Variants in GRM8 observed in about 807,000 individuals in gnomAD.
GRM8 encodes metabotropic glutamate receptor 8.
A neutral mutation model predicts 87.2 loss-of-function variants in GRM8; 47 were observed. The observed-to-expected ratio is 0.54, with a 90% confidence interval of 0.43 to 0.69. GRM8 has a LOEUF of 0.69. Ranked by LOEUF, GRM8 falls within the 30% of genes least tolerant of loss-of-function variation. The probability of loss-of-function intolerance (pLI) is 0.00; values close to 1 mark genes in which losing one functional copy is unlikely to be tolerated. For missense variants in GRM8, 1,019 were observed against 1,139.2 expected (o/e 0.89, Z 1.52); for synonymous variants, 396 against 404.5 (o/e 0.98, Z 0.25).
At chr7:127,110,458 C>T (rs1319535692) in intron 2 of GRM8, among the ~76,000 whole-genome samples, 1 of 152,106 alleles carries the variant, frequency 6.6e-6, no homozygotes, top group Admixed American at 6.6e-5. Flanking sequence ...TATTTGAAAA[C>T]ACCTGTCATT....
intron 9 of GRM8, among the ~76,000 whole-genome samples, chr7:126,499,430 G>C (rs2150686837): frequency 6.7e-6 from 1 of 150,112 alleles, no homozygotes; most frequent in South Asian, 2.1e-4. Context: ...AAAAAAACTA[G>C]AATTATCGTA....
At chr7:126,796,853 G>T (rs1005501205) in intron 6 of GRM8, among the ~76,000 whole-genome samples, 2 of 152,030 alleles carry the variant, frequency 1.3e-5, no homozygotes, top group Admixed American at 1.3e-4. Flanking sequence ...ACTGGGGCTT[G>T]TCTCAATTCT....
chr7:127,220,879 G>A (rs1796884905), intron 2 of GRM8, among the ~76,000 whole-genome samples: 1 of 152,150 alleles, frequency 6.6e-6, no homozygotes, highest in African/African-American at 2.4e-5. Flanking sequence ...CTGCTTTCTA[G>A]GCTCAGTCCT....
chr7:127,061,283 A>G (rs1442262850), intron 3 of GRM8, among the ~76,000 whole-genome samples: 1 of 152,236 alleles, frequency 6.6e-6, no homozygotes, highest in African/African-American at 2.4e-5. Context: ...AAATTGTGCT[A>G]GGTGATTTAC....
intron 8 of GRM8, among the ~76,000 whole-genome samples, chr7:126,594,391 G>A (rs752597692): frequency 2.6e-5 from 4 of 151,980 alleles, no homozygotes; most frequent in Non-Finnish European, 5.9e-5. Flanking sequence ...ATACATAATG[G>A]AATACTGTTT....
At chr7:127,021,332 G>C (rs760536246) in intron 3 of GRM8, among the ~76,000 whole-genome samples, 2 of 128,716 alleles carry the variant, frequency 1.6e-5, no homozygotes, top group Non-Finnish European at 3.3e-5. Context: ...GAAAGGTACT[G>C]CAGAGGGAAA....
intron 3 of GRM8, among the ~76,000 whole-genome samples, chr7:126,951,312 G>A (rs866162295): frequency 3.9e-5 from 6 of 152,024 alleles, no homozygotes; most frequent in Non-Finnish European, 7.4e-5. Flanking sequence ...GAAAGAAGAC[G>A]GAAATGGTTA....
At chr7:126,847,929 C>T (rs1168587040) in intron 6 of GRM8, among the ~76,000 whole-genome samples, 1 of 152,122 alleles carries the variant, frequency 6.6e-6, no homozygotes, top group Non-Finnish European at 1.5e-5. Flanking sequence ...AAAGTGACAT[C>T]ATGAAACCTG....
chr7:126,773,222 C>T (rs1819050040), intron 6 of GRM8, among the ~76,000 whole-genome samples: 1 of 152,054 alleles, frequency 6.6e-6, no homozygotes, highest in Non-Finnish European at 1.5e-5. Context: ...CATACCTCTT[C>T]TGTAAATATT....
At chr7:126,669,379 T>C (rs1046448378) in intron 7 of GRM8, among the ~76,000 whole-genome samples, 1 of 151,924 alleles carries the variant, frequency 6.6e-6, no homozygotes, top group African/African-American at 2.4e-5. Flanking sequence ...AAAGCTGTAA[T>C]TAATTTGGCC....
chr7:126,904,581 G>A lies in GRM8; in HGVS notation c.830C>T (p.Ala277Val), dbSNP rs1802487241. The change falls in exon 4 of 11, where the codon GCA (alanine) becomes GTA (valine). Residue 277 changes from alanine (A) to valine (V), a missense_variant. Physicochemically the swap from Ala to Val is moderately conservative, Grantham distance 64 (BLOSUM62 0). Coordinates refer to ENST00000339582, the MANE Select transcript of GRM8 (RefSeq NM_000845.3). The stretch of plus-strand genomic sequence containing the variant: ...ATCCTCATTGGCAAACATAATCACT[G>A]CTCGAGCATTAGGTGTTTCTAGCAG... ...KRLLETPNAR[A>V]VIMFANEDDI... 1 of 1,613,538 alleles carries A rather than the reference G, an allele frequency of 6.2e-7. No individual in the cohort carries two copies. The highest frequency in any genetic ancestry group is 1.3e-5 in the African/African-American group (1 of 74,906).
At chr7:127,009,121 T>C (rs1178483492) in intron 3 of GRM8, among the ~76,000 whole-genome samples, 1 of 152,058 alleles carries the variant, frequency 6.6e-6, no homozygotes. Context: ...CTTTGATTAA[T>C]GTGACACCAG....
intron 8 of GRM8, among the ~76,000 whole-genome samples, chr7:126,589,512 C>T (rs999689703): frequency 6.6e-6 from 1 of 152,102 alleles, no homozygotes; most frequent in African/African-American, 2.4e-5. Flanking sequence ...CTAACCCTGC[C>T]CCAACTTGAT....
At chr7:127,232,436 G>A (rs1797749285) in intron 2 of GRM8, among the ~76,000 whole-genome samples, 1 of 152,066 alleles carries the variant, frequency 6.6e-6, no homozygotes, top group African/African-American at 2.4e-5. Flanking sequence ...TTGTCATGTT[G>A]CTCAGGCTGG....
chr7:126,820,809 T>C (rs1345051230), intron 6 of GRM8, among the ~76,000 whole-genome samples: 3 of 152,134 alleles, frequency 2.0e-5, no homozygotes, highest in African/African-American at 7.2e-5. Context: ...ACAAAGAAAT[T>C]AAAGACCATC....
rs10248575 is a variant in GRM8 at position 126,784,140 on chromosome 7, A to G, written c.1157-14075T>C. On this transcript the variant is annotated intron_variant, in intron 6 of 10. Coordinates refer to ENST00000339582, the MANE Select transcript of GRM8 (RefSeq NM_000845.3). ...GCATCAGGACCTGGAAAACATTCCA[A>G]AACTGAAGTGGAATTTTGGCCCAGT... 8.6e-3 allele frequency among the ~76,000 whole-genome samples: 1,310 copies of G among 152,306 alleles called. 24 individuals carry two copies. Among genetic ancestry groups the G allele is most frequent in the African/African-American group, 0.03 (1,235 of 41,576 alleles).
At chr7:126,909,407 G>A (rs1481258549) in intron 3 of GRM8, among the ~76,000 whole-genome samples, 1 of 152,156 alleles carries the variant, frequency 6.6e-6, no homozygotes, top group Non-Finnish European at 1.5e-5. Flanking sequence ...GTGGGAGGAA[G>A]AGAAGTTGCC....
intron 9 of GRM8, among the ~76,000 whole-genome samples, chr7:126,495,080 A>G (rs1008372912): frequency 1.2e-4 from 19 of 152,160 alleles, no homozygotes; most frequent in African/African-American, 4.3e-4. Flanking sequence ...GATATGACCT[A>G]TTAATAATAG....
chr7:126,474,417 G>A (rs1050006016), intron 9 of GRM8, among the ~76,000 whole-genome samples: 1 of 152,016 alleles, frequency 6.6e-6, no homozygotes, highest in Non-Finnish European at 1.5e-5. Flanking sequence ...TACAAGCATA[G>A]GCCACCATGC....
Sources: allele counts gnomAD v4.1 joint callset (sites outside exome capture counted in the v4.1 genomes callset), GRCh38; gene constraint gnomAD v4.1.1; transcripts MANE v1.5; gene names NCBI Gene and HGNC (gene_info 2026-07-23, HGNC 2026-07-21).